Variants in CTNND2 observed in about 807,000 individuals in gnomAD.
CTNND2 encodes the protein catenin delta 2, also known as catenin delta-2.
CTNND2 carries 22 observed loss-of-function variants against 144.4 expected under a neutral mutation model. The ratio of observed to expected loss-of-function variants is 0.15; its 90% CI spans 0.11 to 0.22. The LOEUF (loss-of-function observed/expected upper bound fraction) is 0.22, where lower values mean the gene tolerates loss of function less well. CTNND2 is among the 10% of genes least tolerant of loss of function. CTNND2 has a pLI of 1.00. For missense variants in CTNND2, 1,353 were observed against 1,618.8 expected, an observed-to-expected ratio of 0.84 and a Z score of 2.82; for synonymous variants, 751 against 695.6, an observed-to-expected ratio of 1.08 and a Z score of -1.25.
intron 6 of CTNND2, among the ~76,000 whole-genome samples, chr5:11,396,258 T>G (rs1490086510): frequency 6.6e-6 from 1 of 152,172 alleles, no homozygotes; most frequent in Non-Finnish European, 1.5e-5. Context: ...TTCCAATAAA[T>G]TAACTCTGGC....
At chr5:11,729,577 A>G (rs1025907046) in intron 2 of CTNND2, among the ~76,000 whole-genome samples, 2 of 152,232 alleles carry the variant, frequency 1.3e-5, no homozygotes, top group Non-Finnish European at 2.9e-5. Flanking sequence ...TAGAAAGAAT[A>G]TAACATTTTC....
chr5:10,987,711 C>T (rs1738177845), intron 20 of CTNND2, among the ~76,000 whole-genome samples: 2 of 136,860 alleles, frequency 1.5e-5, no homozygotes, highest in South Asian at 5.6e-4. Context: ...CCTCCCCTCC[C>T]CTCCCCTCCC....
At chr5:11,280,648 C>A (rs1205732195) in intron 9 of CTNND2, among the ~76,000 whole-genome samples, 1 of 152,176 alleles carries the variant, frequency 6.6e-6, no homozygotes, top group Non-Finnish European at 1.5e-5. Flanking sequence ...AGGGCTTCGA[C>A]ATATACATTT....
intron 9 of CTNND2, among the ~76,000 whole-genome samples, chr5:11,326,205 C>T (rs938367922): frequency 6.6e-6 from 1 of 152,096 alleles, no homozygotes; most frequent in Non-Finnish European, 1.5e-5. Flanking sequence ...GTTGTGGTAC[C>T]CTCTTTCACA....
chr5:11,864,928 CTT>C (rs1416458078), intron 1 of CTNND2, among the ~76,000 whole-genome samples: 3 of 94,542 alleles, frequency 3.2e-5, no homozygotes, highest in Non-Finnish European at 5.7e-5. Context: ...GAGTTTCACT[CTT>C]GTTGCCCAGG....
chr5:11,831,866 T>A, intron 1 of CTNND2, among the ~76,000 whole-genome samples: 1 of 152,052 alleles, frequency 6.6e-6, no homozygotes, highest in East Asian at 1.9e-4. Flanking sequence ...TAATCATAGA[T>A]CTAATGTAAA....
At chr5:11,552,696 C>A (rs548173084) in intron 3 of CTNND2, among the ~76,000 whole-genome samples, 1 of 152,312 alleles carries the variant, frequency 6.6e-6, no homozygotes, top group South Asian at 2.1e-4. Context: ...CTGCTATACC[C>A]CCCTTCCTTT....
At chr5:10,984,058 TC>T (rs1737630648) in intron 20 of CTNND2, among the ~76,000 whole-genome samples, 1 of 152,130 alleles carries the variant, frequency 6.6e-6, no homozygotes, top group Non-Finnish European at 1.5e-5. Context: ...AGTAACCCCT[TC>T]CGCCTGCACC....
At chr5:11,576,663 T>C (rs762090365) in intron 2 of CTNND2, among the ~76,000 whole-genome samples, 1 of 152,180 alleles carries the variant, frequency 6.6e-6, no homozygotes. Flanking sequence ...AGTCATAAAA[T>C]TGACACTTTC....
intron 1 of CTNND2, among the ~76,000 whole-genome samples, chr5:11,807,351 G>T (rs897963786): frequency 6.6e-6 from 1 of 152,102 alleles, no homozygotes; most frequent in South Asian, 2.1e-4. Context: ...GATTCAGCTT[G>T]CTTAAACCAT....
chr5:11,349,889 T>G (rs190841120), intron 8 of CTNND2, among the ~76,000 whole-genome samples: 59 of 152,320 alleles, frequency 3.9e-4, no homozygotes, highest in African/African-American at 1.3e-3. Context: ...TTACACTGTT[T>G]CACTTTGGGA....
At chr5:11,840,221 C>T (rs1287105389) in intron 1 of CTNND2, among the ~76,000 whole-genome samples, 1 of 152,142 alleles carries the variant, frequency 6.6e-6, no homozygotes, top group Non-Finnish European at 1.5e-5. Context: ...CACCAAAATC[C>T]ATGATGCCTG....
chr5:11,819,529 T>C (rs907091575), intron 1 of CTNND2, among the ~76,000 whole-genome samples: 1 of 152,104 alleles, frequency 6.6e-6, no homozygotes, highest in Non-Finnish European at 1.5e-5. Context: ...CTGACACTTA[T>C]GGGGAAGCAA....
chr5:11,148,859 G>C (rs952998211), intron 12 of CTNND2, among the ~76,000 whole-genome samples: 2 of 152,220 alleles, frequency 1.3e-5, no homozygotes, highest in Non-Finnish European at 2.9e-5. Flanking sequence ...TGGTTTCTTT[G>C]TGAGCCTGTT....
At chr5:11,744,042 T>C (rs1259583635) in intron 1 of CTNND2, among the ~76,000 whole-genome samples, 4 of 152,150 alleles carry the variant, frequency 2.6e-5, no homozygotes, top group Admixed American at 2.6e-4. Flanking sequence ...GTGCTCCTCA[T>C]ACAGGGGAGA....
At chr5:11,457,088 T>G (rs1443568351) in intron 3 of CTNND2, among the ~76,000 whole-genome samples, 2 of 152,212 alleles carry the variant, frequency 1.3e-5, no homozygotes, top group African/African-American at 4.8e-5. Context: ...ATTTTCACCT[T>G]ATTTATTTCT....
chr5:11,642,715 T>A (rs1782131741), intron 2 of CTNND2, among the ~76,000 whole-genome samples: 1 of 152,188 alleles, frequency 6.6e-6, no homozygotes, highest in Non-Finnish European at 1.5e-5. Flanking sequence ...TGTGAGGAAT[T>A]TAATTATAAT....
At chr5:11,617,148 G>A (rs1452756888) in intron 2 of CTNND2, among the ~76,000 whole-genome samples, 4 of 152,196 alleles carry the variant, frequency 2.6e-5, no homozygotes, top group Non-Finnish European at 5.9e-5. Context: ...CTCCGAGGAT[G>A]GCCAAGTGGT....
chr5:11,686,013 C>A (rs1163712462), intron 2 of CTNND2, among the ~76,000 whole-genome samples: 2 of 152,088 alleles, frequency 1.3e-5, no homozygotes, highest in Non-Finnish European at 2.9e-5. Flanking sequence ...CAAGACCAGC[C>A]TGGGCAACAT....
Sources: gnomAD v4.1 joint callset for allele counts (sites outside exome capture counted in the v4.1 genomes callset) on GRCh38, gnomAD v4.1.1 for gene constraint, MANE v1.5 for transcripts, NCBI Gene and HGNC (gene_info 2026-07-23, HGNC 2026-07-21) for gene names.